Variants in MCOLN3 observed in about 807,000 individuals in gnomAD.
The protein encoded by MCOLN3 is mucolipin-3.
A neutral mutation model predicts 69.4 loss-of-function variants in MCOLN3; 62 were observed. That is an observed-to-expected ratio of 0.89 (90% CI 0.73 to 1.10). The LOEUF (loss-of-function observed/expected upper bound fraction) is 1.10. Among genes scored for constraint, MCOLN3 ranks in the 50% least tolerant of loss-of-function variants. The pLI is 0.00. For synonymous variants in MCOLN3, 183 were observed against 217.0 expected (o/e 0.84, Z 1.38); for missense variants, 564 against 656.4 (o/e 0.86, Z 1.54).
chr1:85,023,415 T>A (rs1343444976), intron 9 of MCOLN3: 2 of 152,128 alleles, frequency 1.3e-5, no homozygotes, highest in African/African-American at 4.8e-5. Flanking sequence ...TTGGATTAGA[T>A]GTGGGAAAGA....
chr1:85,022,609 C>G (rs1652001357), intron 9 of MCOLN3: 1 of 424,074 alleles, frequency 2.4e-6, no homozygotes, highest in African/African-American at 2.0e-5. Flanking sequence ...GGGACACTTG[C>G]TGCTGATAAT....
chr1:85,034,008 C>G, intron 4 of MCOLN3, 90 bp downstream of exon 4: 1 of 1,380,614 alleles, frequency 7.2e-7, no homozygotes, highest in Non-Finnish European at 1.0e-6. Flanking sequence ...TATCACAGAC[C>G]AAATCAATGT....
intron 3 of MCOLN3, 119 bp downstream of exon 3, chr1:85,040,890 CA>C (rs1206704813): frequency 1.1e-6 from 1 of 931,710 alleles, no homozygotes; most frequent in East Asian, 2.9e-5. Flanking sequence ...TTGTATGTGT[CA>C]TTTCCAAGCA....
chr1:85,036,232 C>T (rs1270967032), intron 3 of MCOLN3, among the ~76,000 whole-genome samples: 1 of 152,196 alleles, frequency 6.6e-6, no homozygotes, highest in Non-Finnish European at 1.5e-5. Flanking sequence ...CGCTCTGTCA[C>T]CCAGGCTGGA....
chr1:85,043,341 C>A (rs1375883373), intron 2 of MCOLN3, among the ~76,000 whole-genome samples: 1 of 152,066 alleles, frequency 6.6e-6, no homozygotes, highest in Non-Finnish European at 1.5e-5. Context: ...AGCAGCCTGG[C>A]CAACATGGTG....
intron 3 of MCOLN3, among the ~76,000 whole-genome samples, chr1:85,037,364 C>CA (rs760026533): frequency 3.9e-5 from 6 of 152,126 alleles, no homozygotes; most frequent in Non-Finnish European, 8.8e-5. Flanking sequence ...GGTCACGACG[C>CA]ACAGTCATAG....
At chr1:85,041,242 G>A (rs1463052299) in intron 2 of MCOLN3, 65 bp from the exon 3 acceptor site, 1 of 1,358,732 alleles carries the variant, frequency 7.4e-7, no homozygotes, top group East Asian at 2.4e-5. Context: ...AGAGCAGAAG[G>A]TACAGGGGCT....
At chr1:85,043,251 C>T (rs1435206006) in intron 2 of MCOLN3, among the ~76,000 whole-genome samples, 1 of 152,062 alleles carries the variant, frequency 6.6e-6, no homozygotes, top group Non-Finnish European at 1.5e-5. Flanking sequence ...GAGTATGGGC[C>T]GGGCACTGTA....
At chr1:85,046,178 AC>A (rs939789247) in intron 1 of MCOLN3, among the ~76,000 whole-genome samples, 1 of 152,210 alleles carries the variant, frequency 6.6e-6, no homozygotes, top group Non-Finnish European at 1.5e-5. Context: ...AGGAAACATA[AC>A]TGTTGTACAA....
intron 9 of MCOLN3, chr1:85,024,965 G>A (rs985841298): frequency 2.6e-5 from 4 of 152,176 alleles, no homozygotes; most frequent in Non-Finnish European, 4.4e-5. Context: ...CTATCCAGTG[G>A]GATATGTACA....
intron 7 of MCOLN3, 133 bp downstream of exon 7, chr1:85,028,973 T>C: frequency 3.3e-6 from 2 of 609,050 alleles, no homozygotes; most frequent in Non-Finnish European, 5.8e-6. Context: ...GTTGATCTAC[T>C]TGTAGAGGTT....
At chr1:85,033,516 A>C (rs574015927) in intron 4 of MCOLN3, among the ~76,000 whole-genome samples, 1 of 152,290 alleles carries the variant, frequency 6.6e-6, no homozygotes, top group South Asian at 2.1e-4. Context: ...CTTATTTTTT[A>C]ACTCAATGAC....
At chr1:85,037,350 CA>C (rs1421817528) in intron 3 of MCOLN3, among the ~76,000 whole-genome samples, 5 of 152,080 alleles carry the variant, frequency 3.3e-5, no homozygotes, top group African/African-American at 9.7e-5. Context: ...GAAAGGCAAG[CA>C]GGGGTCACGA....
intron 7 of MCOLN3, among the ~76,000 whole-genome samples, chr1:85,027,786 T>C (rs1358214538): frequency 6.6e-6 from 1 of 152,130 alleles, no homozygotes; most frequent in Non-Finnish European, 1.5e-5. Context: ...TATGGAGATT[T>C]TGGAGAATCG....
intron 6 of MCOLN3, 127 bp downstream of exon 6, chr1:85,032,569 C>G (rs1652590773): frequency 1.3e-6 from 1 of 752,708 alleles, no homozygotes; most frequent in African/African-American, 1.7e-5. Flanking sequence ...CAATGCTTCC[C>G]TTATGCACAT....
intron 2 of MCOLN3, among the ~76,000 whole-genome samples, chr1:85,041,412 C>T (rs866834703): frequency 2.0e-5 from 3 of 152,146 alleles, no homozygotes; most frequent in Non-Finnish European, 4.4e-5. Context: ...ATAGAAAATA[C>T]CCTTTCAACT....
intron 1 of MCOLN3, among the ~76,000 whole-genome samples, chr1:85,045,835 G>A (rs17120112): frequency 0.012 from 1,902 of 152,196 alleles, 33 homozygotes; most frequent in African/African-American, 0.035. Context: ...TAAAACCACC[G>A]AGTTAAAGAT....
chr1:85,047,751 T>C (rs1002805541), intron 1 of MCOLN3: 9 of 152,254 alleles, frequency 5.9e-5, no homozygotes, highest in Non-Finnish European at 8.8e-5. Flanking sequence ...GTCTTCTTTT[T>C]TTTTCAAACA....
intron 2 of MCOLN3, among the ~76,000 whole-genome samples, chr1:85,043,403 G>T (rs900695427): frequency 6.6e-6 from 1 of 152,060 alleles, no homozygotes; most frequent in African/African-American, 2.4e-5. Context: ...GGTGGTGTGT[G>T]CCTGTAATCC....
Sources: allele counts gnomAD v4.1 joint callset (sites outside exome capture counted in the v4.1 genomes callset), GRCh38; gene constraint gnomAD v4.1.1; transcripts MANE v1.5; gene names NCBI Gene and HGNC (gene_info 2026-07-23, HGNC 2026-07-21).